CFAP46: variants seen among roughly 807,000 people sequenced by gnomAD.
CFAP46 encodes the protein cilia and flagella associated protein 46, also known as cilia- and flagella-associated protein 46.
In CFAP46, 245 loss-of-function variants were observed where a neutral mutation model predicts 325.7. That is an observed-to-expected ratio of 0.75 (90% CI 0.68 to 0.84). The LOEUF (loss-of-function observed/expected upper bound fraction) is 0.84. Ranked by LOEUF, CFAP46 falls within the 40% of genes least tolerant of loss-of-function variation. The pLI is 0.00. For missense variants in CFAP46, 3,346 were observed against 3,543.0 expected (o/e 0.94, Z 1.41); for synonymous variants, 1,523 against 1,495.9 (o/e 1.02, Z -0.42).
chr10:132,820,974 T>C (rs1225175537), intron 50 of CFAP46, among the ~76,000 whole-genome samples: 6 of 128,496 alleles, frequency 4.7e-5, no homozygotes, highest in East Asian at 5.1e-4. Context: ...GCTGTGTGTG[T>C]GCTGATGTGT....
Position 132,833,416 on chromosome 10 carries a change from A to G in CFAP46, c.7059T>C (p.Ser2353=), listed in dbSNP as rs747404990. Reference sequence around the variant, plus strand: ...TTTGAAGAGAAAATTCTCGTGACACAGAGGAAATTGTCCCTTCATCGAACA... The same window carrying G: ...TTTGAAGAGAAAATTCTCGTGACACGGAGGAAATTGTCCCTTCATCGAACA... ...LSVFDEGTIS[S]VSREFSLQML... The change falls in exon 50 of 58, where the codon TCT becomes TCC. Residue 2353 remains serine (S), a synonymous_variant. Transcript: ENST00000368586. The G allele has an allele frequency of 2.5e-6, 4 of 1,614,202 alleles. No homozygotes were observed. The highest frequency in any genetic ancestry group is 3.4e-6 in the Non-Finnish European group (4 of 1,180,032).
At position 132,922,037 on chromosome 10, in the gene CFAP46, CG is replaced by C; in HGVS notation, c.1606+66del. The C allele has an allele frequency of 2.7e-6, 4 of 1,506,424 alleles. No homozygotes were observed. In the South Asian group the frequency reaches 3.8e-5, roughly 14 times the overall value. 93.3% of individuals were successfully genotyped at this position (1,506,424 alleles called of 1,614,324 possible). A position where few individuals can be genotyped will look rare whatever the true frequency, so the allele number is the denominator to read the frequency against. ...GGGAGCATGGGGACTGGGGAGGCCCCGGGGCAGCCTGGGAGCCATTCCAAGG... is the reference window on the plus strand; with the variant it reads ...GGGAGCATGGGGACTGGGGAGGCCCCGGGCAGCCTGGGAGCCATTCCAAGG... On this transcript the variant is annotated intron_variant, in intron 13 of 57. Coordinates refer to ENST00000368586, the MANE Select transcript of CFAP46 (RefSeq NM_001200049.3).
At chr10:132,834,423 T>G (rs1405478777) in intron 48 of CFAP46, among the ~76,000 whole-genome samples, 1 of 151,996 alleles carries the variant, frequency 6.6e-6, no homozygotes, top group African/African-American at 2.4e-5. Flanking sequence ...ACCCCACACT[T>G]GGGCCAGGGG....
chr10:132,821,498 T>C (rs1439581351), intron 50 of CFAP46, among the ~76,000 whole-genome samples: 9 of 143,190 alleles, frequency 6.3e-5, no homozygotes, highest in Non-Finnish European at 1.5e-5. Context: ...AGTGCTGATG[T>C]GTGCTGTGTG....
At position 132,928,848 on chromosome 10, in the gene CFAP46, T is replaced by C. The variant is rs145035409; in HGVS notation, c.966+857A>G. Among the ~76,000 whole-genome samples, 412 of 152,328 alleles carry C rather than the reference T, an allele frequency of 2.7e-3. 4 individuals are homozygous for C. Among genetic ancestry groups the C allele is most frequent in the African/African-American group, 9.2e-3 (382 of 41,578 alleles). Reference sequence around the variant, plus strand: ...GCATCGGCAAACCTGATGTATGCAGTCTTACACACTTGTCGTTGTGTGAAG... The same window carrying C: ...GCATCGGCAAACCTGATGTATGCAGCCTTACACACTTGTCGTTGTGTGAAG... On this transcript the variant is annotated intron_variant, in intron 9 of 57. Transcript: ENST00000368586.
chr10:132,919,221 C>G lies in CFAP46; in HGVS notation c.1858+94G>C. On this transcript the variant is annotated intron_variant, in intron 15 of 57. Transcript: ENST00000368586. The surrounding 1 kb of genome is among the most constrained non-coding windows in gnomAD (Gnocchi z 9.7). ...GCAATACGCTTTCTCATGCGAAGGC[C>G]CCATGGGTTGTCATTGCACGAACCA... 7.5e-7 allele frequency: 1 copy of G among 1,333,482 alleles called. No individual in the cohort carries two copies. Among genetic ancestry groups the G allele is most frequent in the Non-Finnish European group, 1.0e-6 (1 of 993,448 alleles). 82.6% of individuals were successfully genotyped at this position (1,333,482 alleles called of 1,614,324 possible). A position where few individuals can be genotyped will look rare whatever the true frequency, so the allele number is the denominator to read the frequency against.
intron 50 of CFAP46, among the ~76,000 whole-genome samples, chr10:132,815,645 G>A (rs914607669): frequency 7.9e-5 from 12 of 152,212 alleles, no homozygotes; most frequent in South Asian, 2.1e-4. Flanking sequence ...ACTGGGGCCC[G>A]GCACGTGGCT....
chr10:132,850,913 T>C (rs1019457643), intron 40 of CFAP46, among the ~76,000 whole-genome samples: 4 of 152,186 alleles, frequency 2.6e-5, no homozygotes, highest in Admixed American at 1.3e-4. Flanking sequence ...ACCCCTGCAA[T>C]GGGACCTCGA....
Position 132,937,005 on chromosome 10 carries a change from AT to A in CFAP46, c.710del (p.Asn237IlefsTer14). 1 of 1,540,408 alleles carries A rather than the reference AT, an allele frequency of 6.5e-7. No homozygotes were observed. The highest frequency in any genetic ancestry group is 8.8e-7 in the Non-Finnish European group (1 of 1,133,600). ...AGAAAGTGACTGACAGGCTAATGGA[AT>A]TTTTCTTTTCTTCCTTTAACTGAAG... ...DELQLKEEKK[N>X]SISLSVTFYI... is the part of the protein sequence containing the mutation. On this transcript the variant is annotated frameshift_variant, in exon 7 of 58. Coordinates refer to ENST00000368586, the MANE Select transcript of CFAP46 (RefSeq NM_001200049.3). LOFTEE classifies it high-confidence loss of function.
At chr10:132,878,429 G>A (rs1848989502) in intron 29 of CFAP46, among the ~76,000 whole-genome samples, 1 of 152,126 alleles carries the variant, frequency 6.6e-6, no homozygotes, top group Non-Finnish European at 1.5e-5. Context: ...AGCGGCCCTT[G>A]TTGGGGATGT....
At chr10:132,925,120 C>T (rs556139130) in intron 10 of CFAP46, among the ~76,000 whole-genome samples, 129 of 151,756 alleles carry the variant, frequency 8.5e-4, no homozygotes, top group Non-Finnish European at 1.7e-3. Context: ...ATCGTGGCTG[C>T]GCCCGCCTCC....
chr10:132,816,880 C>T (rs950616780), intron 50 of CFAP46, among the ~76,000 whole-genome samples: 10 of 152,204 alleles, frequency 6.6e-5, no homozygotes, highest in Non-Finnish European at 8.8e-5. Flanking sequence ...ACCCTCATCA[C>T]GCTGTGGCCT....
At chr10:132,916,911 G>C (rs1849648501) in intron 16 of CFAP46, among the ~76,000 whole-genome samples, 1 of 152,218 alleles carries the variant, frequency 6.6e-6, no homozygotes, top group Non-Finnish European at 1.5e-5. Flanking sequence ...GGTCAGGGAA[G>C]AGAAGGTCCT....
At position 132,899,096 on chromosome 10, in the gene CFAP46, C is replaced by T. The variant is rs183326330; in HGVS notation, c.3082G>A (p.Ala1028Thr). 1.8e-5 allele frequency: 28 copies of T among 1,549,932 alleles called. No homozygotes were observed. The highest frequency in any genetic ancestry group is 4.8e-5 in the South Asian group (4 of 84,026). ...ARFGGIAGSS[A>T]LVMLAARHYW... ...TGCCGCGCGGCCAGCATCACCAGGG[C>T]GCTGCTGCCCGCGATGCCTCCGAAC... is the stretch of plus-strand genomic sequence containing the variant. The change falls in exon 24 of 58, where the codon GCC becomes ACC. Residue 1028 changes from alanine (A) to threonine (T), a missense_variant. Ala to Thr is a moderately conservative substitution (Grantham distance 58). Transcript: ENST00000368586.
intron 44 of CFAP46, among the ~76,000 whole-genome samples, chr10:132,843,979 C>G (rs775767654): frequency 2.5e-5 from 3 of 119,706 alleles, no homozygotes; most frequent in Non-Finnish European, 3.5e-5. Flanking sequence ...CTGTGGGGCT[C>G]TGGTCTCAGT....
Position 132,899,135 on chromosome 10 carries a change from G to C in CFAP46, c.3057-14C>G. On this transcript the variant is annotated splice_polypyrimidine_tract_variant and intron_variant, in intron 23 of 57. Transcript: ENST00000368586. ...ATGCCTCCGAACCTAAAAGAGGGCA[G>C]GTCATGACGCGGTGGCTCCACCTGG... is the stretch of plus-strand genomic sequence containing the variant. 1 of 1,544,920 alleles carries C rather than the reference G, an allele frequency of 6.5e-7. No individual in the cohort carries two copies. The highest frequency in any genetic ancestry group is 8.7e-7 in the Non-Finnish European group (1 of 1,144,430).
At position 132,910,072 on chromosome 10, in the gene CFAP46, G is replaced by A; in HGVS notation, c.2500-4C>T. The A allele has an allele frequency of 1.4e-6, 2 of 1,441,918 alleles. No homozygotes were observed. The highest frequency in any genetic ancestry group is 2.9e-5 in the South Asian group (2 of 69,364). The allele number at this position is 1,441,918 out of a possible 1,614,324, so 89.3% of individuals were successfully genotyped here. A position where few individuals can be genotyped will look rare whatever the true frequency, so the allele number is the denominator to read the frequency against. ...GGTTCAGGGCAAACTCGCAGACCTA[G>A]GACAGACGTGTTCTCGGTCACGAAA... On this transcript the variant is annotated splice_region_variant and splice_polypyrimidine_tract_variant and intron_variant, in intron 19 of 57. Transcript: ENST00000368586.
chr10:132,892,472 C>T (rs1849267083), intron 24 of CFAP46, 55 bp from the exon 25 acceptor site: 10 of 1,500,780 alleles, frequency 6.7e-6, no homozygotes, highest in Non-Finnish European at 9.1e-6. Flanking sequence ...GACAGTCTTT[C>T]ACCATGAGAT....
chr10:132,848,034 C>T (rs896616844), intron 41 of CFAP46, among the ~76,000 whole-genome samples: 9 of 151,990 alleles, frequency 5.9e-5, no homozygotes, highest in African/African-American at 1.4e-4. Flanking sequence ...GCCCCTTTCT[C>T]GACGGAGCAC....
Sources: allele counts gnomAD v4.1 joint callset (sites outside exome capture counted in the v4.1 genomes callset), GRCh38; gene constraint gnomAD v4.1.1; non-coding constraint Gnocchi (gnomAD v3.1); transcripts MANE v1.5; gene names NCBI Gene and HGNC (gene_info 2026-07-23, HGNC 2026-07-21).